The following TBC1D19 variants were observed in gnomAD, a reference collection of about 807,000 sequenced individuals.
The protein encoded by TBC1D19 is TBC1 domain family, member 19.
TBC1D19 carries 60 observed loss-of-function variants against 89.0 expected under a neutral mutation model. The observed-to-expected ratio is 0.67, with a 90% confidence interval of 0.55 to 0.84. TBC1D19 has a LOEUF of 0.84. TBC1D19 is among the 40% of genes least tolerant of loss of function. The probability of loss-of-function intolerance (pLI) is 0.00; values close to 1 mark genes in which losing one functional copy is unlikely to be tolerated. For synonymous variants in TBC1D19, 189 were observed against 199.7 expected, an observed-to-expected ratio of 0.95 and a Z score of 0.45; for missense variants, 500 against 610.8, an observed-to-expected ratio of 0.82 and a Z score of 1.91.
chr4:26,607,074 G>A (rs1422468452), intron 1 of TBC1D19, among the ~76,000 whole-genome samples: 4 of 152,152 alleles, frequency 2.6e-5, no homozygotes, highest in Non-Finnish European at 4.4e-5. Context: ...TTGGTCATGT[G>A]TTTCTAGGAG....
At chr4:26,715,580 C>A (rs1180695697) in intron 13 of TBC1D19, among the ~76,000 whole-genome samples, 1 of 152,028 alleles carries the variant, frequency 6.6e-6, no homozygotes, top group Non-Finnish European at 1.5e-5. Context: ...TTAAATGAAA[C>A]CCTCAGCCAA....
chr4:26,720,218 A>G, intron 15 of TBC1D19, 93 bp downstream of exon 15: 1 of 887,932 alleles, frequency 1.1e-6, no homozygotes, highest in Non-Finnish European at 1.7e-6. Context: ...TTTAATGGAT[A>G]ATCATTTATT....
chr4:26,643,112 A>G (rs957140877), intron 7 of TBC1D19, among the ~76,000 whole-genome samples: 1 of 152,190 alleles, frequency 6.6e-6, no homozygotes, highest in Non-Finnish European at 1.5e-5. Flanking sequence ...ACCCCAAATC[A>G]ACAGAATATA....
chr4:26,643,034 C>A (rs1302620575), intron 7 of TBC1D19, among the ~76,000 whole-genome samples: 1 of 152,178 alleles, frequency 6.6e-6, no homozygotes, highest in African/African-American at 2.4e-5. Flanking sequence ...AGAAGGTTAA[C>A]AAGGATATCC....
At chr4:26,842,886 G>C in the TBC1D19 span, among the ~76,000 whole-genome samples, 1 of 152,084 alleles carries the variant, frequency 6.6e-6, no homozygotes, top group East Asian at 1.9e-4. Context: ...TTGAATGGAT[G>C]AATGAAATCG....
chr4:26,632,265 T>C (rs545538375), intron 4 of TBC1D19, among the ~76,000 whole-genome samples: 1 of 152,064 alleles, frequency 6.6e-6, no homozygotes, highest in East Asian at 1.9e-4. Context: ...AAAATTCACA[T>C]ATAACTTTTG....
chr4:26,694,481 C>A (rs937581365), intron 13 of TBC1D19, among the ~76,000 whole-genome samples: 1 of 152,200 alleles, frequency 6.6e-6, no homozygotes, highest in African/African-American at 2.4e-5. Context: ...CCGGGCATAG[C>A]CGAACAAAAG....
chr4:26,855,280 G>A, the TBC1D19 span, among the ~76,000 whole-genome samples: 2 of 152,128 alleles, frequency 1.3e-5, no homozygotes, highest in African/African-American at 4.8e-5. Context: ...TTCTGTGTAC[G>A]TACCTTTGTT....
intron 15 of TBC1D19, among the ~76,000 whole-genome samples, chr4:26,727,913 A>G (rs1717411012): frequency 2.0e-5 from 3 of 152,210 alleles, no homozygotes; most frequent in Admixed American, 2.0e-4. Context: ...AATACACAGT[A>G]TGAAATACAG....
At chr4:26,585,692 TC>T (rs943825909) in intron 1 of TBC1D19, among the ~76,000 whole-genome samples, 2 of 152,022 alleles carry the variant, frequency 1.3e-5, no homozygotes, top group Non-Finnish European at 2.9e-5. Context: ...CAAGTGATCC[TC>T]CCGCCTTCGC....
At chr4:26,581,873 T>C (rs1394130650), upstream of TBC1D19, among the ~76,000 whole-genome samples, 1 of 152,182 alleles carries the variant, frequency 6.6e-6, no homozygotes, top group East Asian at 1.9e-4. Flanking sequence ...CTAAATCGAA[T>C]TGGAAATAGA....
At chr4:26,625,771 G>A (rs1172430209) in intron 4 of TBC1D19, among the ~76,000 whole-genome samples, 1 of 152,008 alleles carries the variant, frequency 6.6e-6, no homozygotes, top group African/African-American at 2.4e-5. Flanking sequence ...TGGGATTGTG[G>A]GTTTTTTGGA....
intron 1 of TBC1D19, chr4:26,585,317 TTTTA>T (rs750311819): frequency 3.7e-6 from 1 of 269,452 alleles, no homozygotes; most frequent in Non-Finnish European, 7.4e-6. Flanking sequence ...GCTGCCAGTC[TTTTA>T]TTTATTTTTA....
intron 13 of TBC1D19, among the ~76,000 whole-genome samples, chr4:26,715,692 A>T (rs1184294928): frequency 6.6e-6 from 1 of 152,106 alleles, no homozygotes; most frequent in Non-Finnish European, 1.5e-5. Context: ...CATCAGATAT[A>T]GGCCATTTCA....
the TBC1D19 span, among the ~76,000 whole-genome samples, chr4:26,839,234 C>T: frequency 1.2e-4 from 18 of 151,994 alleles, no homozygotes; most frequent in African/African-American, 2.4e-4. Context: ...AAAACGATGT[C>T]GTCATAGGAT....
intron 1 of TBC1D19, among the ~76,000 whole-genome samples, chr4:26,597,219 A>G (rs549565201): frequency 6.6e-6 from 1 of 152,018 alleles, no homozygotes; most frequent in Non-Finnish European, 1.5e-5. Context: ...ATTCTTTCAG[A>G]TTTTTGCTTA....
chr4:26,710,876 G>T (rs1472184985), intron 13 of TBC1D19, among the ~76,000 whole-genome samples: 4 of 152,104 alleles, frequency 2.6e-5, no homozygotes, highest in Non-Finnish European at 5.9e-5. Flanking sequence ...TGATGGGGTT[G>T]TTTGTTTTTT....
chr4:26,710,476 A>G (rs551840036), intron 13 of TBC1D19, among the ~76,000 whole-genome samples: 1 of 152,052 alleles, frequency 6.6e-6, no homozygotes, highest in South Asian at 2.1e-4. Context: ...ATTGTGTATA[A>G]TGCCTCAATA....
the TBC1D19 span, among the ~76,000 whole-genome samples, chr4:26,833,892 T>C: frequency 6.6e-6 from 1 of 152,216 alleles, no homozygotes. Flanking sequence ...TGTAGAAATC[T>C]TCCCCACTCA....
Sources: gnomAD v4.1 joint callset for allele counts (sites outside exome capture counted in the v4.1 genomes callset) on GRCh38, gnomAD v4.1.1 for gene constraint, MANE v1.5 for transcripts, NCBI Gene and HGNC (gene_info 2026-07-23, HGNC 2026-07-21) for gene names.